Variants in HOMER1 observed in about 807,000 individuals in gnomAD.
The protein encoded by HOMER1 is homer scaffold protein 1, also known as homer protein homolog 1.
HOMER1 carries 3 observed loss-of-function variants against 48.9 expected under a neutral mutation model. The ratio of observed to expected loss-of-function variants is 0.06; its 90% CI spans 0.03 to 0.16. HOMER1 has a LOEUF of 0.16. Among genes scored for constraint, HOMER1 ranks in the 10% least tolerant of loss-of-function variants. The probability of loss-of-function intolerance (pLI) is 1.00; values close to 1 mark genes in which losing one functional copy is unlikely to be tolerated. For synonymous variants in HOMER1, 134 were observed against 146.4 expected, an observed-to-expected ratio of 0.92 and a Z score of 0.61; for missense variants, 247 against 411.4, an observed-to-expected ratio of 0.60 and a Z score of 3.46.
At chr5:79,507,484 T>C (rs1752811057) in intron 1 of HOMER1, among the ~76,000 whole-genome samples, 1 of 152,134 alleles carries the variant, frequency 6.6e-6, no homozygotes, top group Non-Finnish European at 1.5e-5. Flanking sequence ...ATTACAAATA[T>C]GCAACACAAA....
At chr5:79,402,970 T>C (rs1288929394) in intron 5 of HOMER1, among the ~76,000 whole-genome samples, 3 of 152,186 alleles carry the variant, frequency 2.0e-5, no homozygotes, top group Admixed American at 1.3e-4. Context: ...ATAATTCCAG[T>C]GTCATAAATA....
chr5:79,502,605 C>T (rs981099588), intron 1 of HOMER1, among the ~76,000 whole-genome samples: 9 of 152,122 alleles, frequency 5.9e-5, no homozygotes, highest in African/African-American at 2.2e-4. Context: ...CATCTAATTT[C>T]GTATCCTGAT....
At position 79,374,035 on chromosome 5, in the gene HOMER1, T is replaced by A. The variant is rs1485253228; in HGVS notation, c.*1974A>T. 2 of 152,172 alleles carry A rather than the reference T, an allele frequency of 1.3e-5. No individual in the cohort carries two copies. The highest frequency in any genetic ancestry group is 2.9e-5 in the Non-Finnish European group (2 of 67,848). 9.4% of individuals were successfully genotyped at this position (152,172 alleles called of 1,614,324 possible). ...CATTTCAACAGCTTACACTGTTTTT[T>A]AAATTTTTTTAACTCTTCATACTAA... On this transcript the variant is annotated 3_prime_UTR_variant, in exon 9 of 9. Transcript: ENST00000334082.
Position 79,421,543 on chromosome 5 carries a change from A to G in HOMER1, c.527+17467T>C, listed in dbSNP as rs989425538. Among the ~76,000 whole-genome samples the G allele has an allele frequency of 2.6e-5, 4 of 152,272 alleles. No homozygotes were observed. In the South Asian group the frequency reaches 8.3e-4, roughly 32 times the overall value. ...TCTAATACTTTTGCTTTGTAAATATAAACTACCAGTTACATAATCAAGAAT... is the reference window on the plus strand; with the variant it reads ...TCTAATACTTTTGCTTTGTAAATATGAACTACCAGTTACATAATCAAGAAT... On this transcript the variant is annotated intron_variant, in intron 5 of 8. Coordinates refer to ENST00000334082, the MANE Select transcript of HOMER1 (RefSeq NM_004272.5).
chr5:79,417,693 T>C (rs773862822), intron 5 of HOMER1, among the ~76,000 whole-genome samples: 5 of 152,218 alleles, frequency 3.3e-5, no homozygotes, highest in Non-Finnish European at 7.3e-5. Context: ...CTATTAAAGA[T>C]AGAAATGAAT....
chr5:79,412,327 A>G (rs1260550803), intron 5 of HOMER1, among the ~76,000 whole-genome samples: 1 of 152,132 alleles, frequency 6.6e-6, no homozygotes, highest in Admixed American at 6.5e-5. Flanking sequence ...TTGACTTAAA[A>G]CTATTTGTGT....
intron 1 of HOMER1, among the ~76,000 whole-genome samples, chr5:79,458,721 T>TA (rs1042811040): frequency 6.6e-6 from 1 of 152,162 alleles, no homozygotes; most frequent in Non-Finnish European, 1.5e-5. Flanking sequence ...TGCCACTCCC[T>TA]AAAAAATGAA....
At chr5:79,477,745 C>T (rs73122399) in intron 1 of HOMER1, among the ~76,000 whole-genome samples, 20,791 of 152,076 alleles carry the variant, frequency 0.14, 3,581 homozygotes, top group African/African-American at 0.4. Flanking sequence ...GATGCTTCAG[C>T]ACAACCACCT....
At chr5:79,391,925 C>T (rs1052367479) in intron 8 of HOMER1, among the ~76,000 whole-genome samples, 1 of 152,060 alleles carries the variant, frequency 6.6e-6, no homozygotes. Flanking sequence ...CCATGAACAG[C>T]ATATGCAACA....
chr5:79,467,744 G>A (rs1020124861), intron 1 of HOMER1, among the ~76,000 whole-genome samples: 1 of 152,124 alleles, frequency 6.6e-6, no homozygotes, highest in Non-Finnish European at 1.5e-5. Flanking sequence ...TGCAAAATTT[G>A]AATAATCGGC....
intron 2 of HOMER1, among the ~76,000 whole-genome samples, chr5:79,454,071 C>A (rs1561369877): frequency 6.6e-6 from 1 of 152,148 alleles, no homozygotes; most frequent in African/African-American, 2.4e-5. Context: ...CTAATAATTA[C>A]AATCAGCAAC....
intron 5 of HOMER1, among the ~76,000 whole-genome samples, chr5:79,437,419 A>C (rs4293896): frequency 0.25 from 38,761 of 152,114 alleles, 6,068 homozygotes; most frequent in East Asian, 0.75. Flanking sequence ...ATGATTATTT[A>C]ATTGTAACTG....
chr5:79,477,893 T>C (rs931498167), intron 1 of HOMER1, among the ~76,000 whole-genome samples: 17 of 152,176 alleles, frequency 1.1e-4, no homozygotes, highest in African/African-American at 4.1e-4. Flanking sequence ...TTTTATTTTC[T>C]CCTTCCTTGG....
intron 5 of HOMER1, among the ~76,000 whole-genome samples, chr5:79,406,152 G>C (rs192864367): frequency 7.1e-4 from 108 of 152,258 alleles, no homozygotes; most frequent in African/African-American, 2.6e-3. Context: ...TAAAACGCTT[G>C]ACTGTTGAAA....
At chr5:79,383,048 C>T (rs913710182) in intron 8 of HOMER1, among the ~76,000 whole-genome samples, 2 of 152,018 alleles carry the variant, frequency 1.3e-5, no homozygotes, top group African/African-American at 4.8e-5. Context: ...AGATATTCCA[C>T]GAAAATGGAA....
intron 5 of HOMER1, among the ~76,000 whole-genome samples, chr5:79,436,838 A>G (rs1750597130): frequency 6.6e-6 from 1 of 152,222 alleles, no homozygotes; most frequent in Non-Finnish European, 1.5e-5. Context: ...AATACTGATT[A>G]ATACTGATTA....
intron 1 of HOMER1, among the ~76,000 whole-genome samples, chr5:79,498,360 C>A (rs994566972): frequency 1.3e-5 from 2 of 152,162 alleles, no homozygotes; most frequent in Non-Finnish European, 2.9e-5. Context: ...TGCACCATTG[C>A]ACTCCAGCCT....
chr5:79,404,985 A>G (rs1749627809), intron 5 of HOMER1, among the ~76,000 whole-genome samples: 1 of 152,044 alleles, frequency 6.6e-6, no homozygotes, highest in Admixed American at 6.6e-5. Context: ...CTGGGATTAC[A>G]GGCATGAGCC....
At chr5:79,433,558 ACTCCAT>A (rs1271206784) in intron 5 of HOMER1, among the ~76,000 whole-genome samples, 2 of 151,982 alleles carry the variant, frequency 1.3e-5, no homozygotes, top group Non-Finnish European at 2.9e-5. Context: ...ACAGAGTGAG[ACTCCAT>A]CTCAAGAAAA....
Sources: gnomAD v4.1 joint callset for allele counts (sites outside exome capture counted in the v4.1 genomes callset) on GRCh38, gnomAD v4.1.1 for gene constraint, MANE v1.5 for transcripts, NCBI Gene and HGNC (gene_info 2026-07-23, HGNC 2026-07-21) for gene names.